The following DHX57 variants were observed in gnomAD, a reference collection of about 807,000 sequenced individuals.
The protein encoded by DHX57 is DExH-box helicase 57.
Under a neutral mutation model 156.2 loss-of-function variants are expected in DHX57, and 105 were observed. The observed-to-expected ratio is 0.67, with a 90% CI of 0.57 to 0.79. The LOEUF (loss-of-function observed/expected upper bound fraction) is 0.79, where lower values mean the gene tolerates loss of function less well. DHX57 is among the 30% of genes least tolerant of loss of function. The pLI is 0.00. For missense variants in DHX57, 1,847 were observed against 1,661.9 expected (o/e 1.11, Z -1.94); for synonymous variants, 704 against 595.6 (o/e 1.18, Z -2.65).
intron 11 of DHX57, among the ~76,000 whole-genome samples, chr2:38,845,860 G>A (rs1389476750): frequency 6.8e-6 from 1 of 147,144 alleles, no homozygotes; most frequent in Admixed American, 7.0e-5. Context: ...GATAATAATA[G>A]CTAACTTTTT....
chr2:38,857,098 G>C (rs1672940770), intron 6 of DHX57: 1 of 154,128 alleles, frequency 6.5e-6, no homozygotes, highest in Non-Finnish European at 1.5e-5. Flanking sequence ...TTCTATACCT[G>C]TGCTGTCCAA....
chr2:38,801,659 A>G (rs1669689321), intron 23 of DHX57, among the ~76,000 whole-genome samples: 1 of 151,912 alleles, frequency 6.6e-6, no homozygotes, highest in Admixed American at 6.6e-5. Context: ...CAATGGCGCA[A>G]TCTCGGCTCA....
intron 21 of DHX57, among the ~76,000 whole-genome samples, chr2:38,809,735 T>C (rs899787791): frequency 1.3e-5 from 2 of 152,114 alleles, no homozygotes; most frequent in African/African-American, 2.4e-5. Flanking sequence ...AGTGCTGGGA[T>C]TGCAGGCGTG....
At chr2:38,810,373 A>G in intron 21 of DHX57, 1 of 480,982 alleles carries the variant, frequency 2.1e-6, no homozygotes, top group South Asian at 1.6e-5. Flanking sequence ...CACAACAATT[A>G]GTGCCTGTAC....
chr2:38,848,762 T>C (rs1441500133), intron 9 of DHX57, among the ~76,000 whole-genome samples: 1 of 152,208 alleles, frequency 6.6e-6, no homozygotes, highest in African/African-American at 2.4e-5. Context: ...GTATATAATA[T>C]TTTGAATAAT....
chr2:38,816,326 T>A, intron 19 of DHX57: 1 of 436,246 alleles, frequency 2.3e-6, no homozygotes, highest in Non-Finnish European at 4.6e-6. Context: ...GTGATTCTCT[T>A]GCCTTAACCT....
chr2:38,836,959 C>G (rs1286801844), intron 13 of DHX57, among the ~76,000 whole-genome samples: 1 of 151,960 alleles, frequency 6.6e-6, no homozygotes, highest in African/African-American at 2.4e-5. Flanking sequence ...CTAAGGCAAT[C>G]CTCCCACTCC....
rs780160773 is a variant in DHX57, at chr2:38,845,403, G to GT, written c.2219+1615dup. Among the ~76,000 whole-genome samples the GT allele has an allele frequency of 2.9e-4, 44 of 152,166 alleles. No individual in the cohort carries two copies. In the East Asian group the frequency reaches 2.9e-3, roughly 10 times the overall value. ...GCACATTAAAATTTGAGAGCCACTG[G>GT]TTTTGGGTTTTTACCTTGAGAATAT... On this transcript the variant is annotated intron_variant, in intron 11 of 23. Coordinates refer to ENST00000457308, the MANE Select transcript of DHX57 (RefSeq NM_198963.3).
rs1270867896 is a variant in DHX57 at position 38,834,526 on chromosome 2, C to G, written c.2542+3305G>C. Among the ~76,000 whole-genome samples the G allele has an allele frequency of 5.3e-5, 8 of 152,110 alleles. No individual in the cohort carries two copies. The East Asian group carries it at 1.5e-3, about 29-fold the overall frequency. The stretch of plus-strand genomic sequence containing the variant: ...TGACACTAATCATCTCCAAGTAAGT[C>G]ATTTGTTTTGTCAGAATATTGTATA... On this transcript the variant is annotated intron_variant, in intron 13 of 23. Coordinates refer to ENST00000457308, the MANE Select transcript of DHX57 (RefSeq NM_198963.3).
intron 17 of DHX57, 102 bp from the exon 18 acceptor site, chr2:38,819,246 C>T (rs1183011690): frequency 1.0e-6 from 1 of 990,280 alleles, no homozygotes; most frequent in African/African-American, 1.6e-5. Context: ...GCGATCATAG[C>T]CCACTGCAAC....
intron 17 of DHX57, 147 bp downstream of exon 17, chr2:38,822,846 C>T: frequency 2.6e-6 from 2 of 768,998 alleles, no homozygotes; most frequent in South Asian, 2.2e-5. Context: ...GACCTTCTCC[C>T]TCCCATGCAG....
At chr2:38,825,754 A>G (rs930457208) in intron 16 of DHX57, 93 bp downstream of exon 16, 5 of 1,322,946 alleles carry the variant, frequency 3.8e-6, no homozygotes, top group Admixed American at 1.9e-5. Context: ...TCTTAGCCAA[A>G]TATCTTCTAG....
At chr2:38,821,148 G>C (rs1670793716) in intron 17 of DHX57, among the ~76,000 whole-genome samples, 1 of 151,968 alleles carries the variant, frequency 6.6e-6, no homozygotes. Flanking sequence ...AGAATAAAAA[G>C]GAAAATCAGA....
At position 38,843,019 on chromosome 2, in the gene DHX57, A is replaced by T. The variant is rs758954483; in HGVS notation, c.2411T>A (p.Leu804Gln). Residue 804 changes from leucine to glutamine, a missense_variant, in exon 12 of 24, where the codon CTG (leucine) becomes CAG (glutamine). Leu to Gln is a moderately radical substitution (Grantham distance 113, BLOSUM62 -2). Transcript: ENST00000457308. ...AGGCATGTTACCTTTATAGCGGGCC[A>T]GGAGCTGCTTAAAATCTAACTGTTG... is the stretch of plus-strand genomic sequence containing the variant. ...PDQQLDFKQL[L>Q]ARYKGVSKSV... 6.2e-7 allele frequency: 1 copy of T among 1,614,112 alleles called. No individual in the cohort carries two copies. Among genetic ancestry groups the T allele is most frequent in the East Asian group, 2.2e-5 (1 of 44,886 alleles).
chr2:38,837,687 T>C (rs1671754397), intron 13 of DHX57, 144 bp downstream of exon 13: 1 of 478,502 alleles, frequency 2.1e-6, no homozygotes, highest in Non-Finnish European at 3.8e-6. Context: ...TTTATCAGAC[T>C]GCAAAGCCTG....
rs1553326974 is a variant in DHX57 at position 38,827,505 on chromosome 2, A to AAAAT, written c.2640-817_2640-816insATTT. ...TGTCTCAAAAAAAAAAAAAAAAAAA[A>AAAAT]ATATATATATATATATATATATATA... On this transcript the variant is annotated intron_variant, in intron 14 of 23. Coordinates refer to ENST00000457308, the MANE Select transcript of DHX57 (RefSeq NM_198963.3). Among the ~76,000 whole-genome samples, 28 of 10,152 alleles carry AAAAT rather than the reference A, an allele frequency of 2.8e-3. 1 individual carries two copies. The highest frequency in any genetic ancestry group is 3.9e-3 in the African/African-American group (28 of 7,100). The allele number at this position is 10,152 out of a possible 152,430, so 6.7% of individuals were successfully genotyped here. A position where few individuals can be genotyped will look rare whatever the true frequency, so the allele number is the denominator to read the frequency against.
intron 17 of DHX57, among the ~76,000 whole-genome samples, chr2:38,822,425 C>T (rs1670870772): frequency 6.6e-6 from 1 of 151,142 alleles, no homozygotes; most frequent in East Asian, 2.0e-4. Flanking sequence ...TAGACGGAGC[C>T]TTGCTCTGTC....
At chr2:38,799,770 AG>A (rs1335278420) in intron 23 of DHX57, among the ~76,000 whole-genome samples, 10 of 119,968 alleles carry the variant, frequency 8.3e-5, no homozygotes, top group Admixed American at 3.4e-4. Context: ...AAAAAAAAAA[AG>A]TGGGCCAGGC....
Position 38,848,286 on chromosome 2 carries a change from G to C in DHX57, c.2147C>G (p.Pro716Arg), listed in dbSNP as rs1216240355. The change falls in exon 10 of 24, where the codon CCC becomes CGC. Residue 716 changes from proline to arginine, a missense_variant. Coordinates refer to ENST00000457308, the MANE Select transcript of DHX57 (RefSeq NM_198963.3). ...TTATTCACCTGGTATAGTAATAACG[G>C]GGCAGGAATTAAAATAGTCTGAAAA... The part of the protein sequence containing the change: ...ELFSDYFNSC[P>R]VITIPGRTFP... 1 of 1,602,098 alleles carries C rather than the reference G, an allele frequency of 6.2e-7. No homozygotes were observed. Among genetic ancestry groups the C allele is most frequent in the Non-Finnish European group, 8.5e-7 (1 of 1,175,680 alleles).
Sources: allele counts gnomAD v4.1 joint callset (sites outside exome capture counted in the v4.1 genomes callset), GRCh38; gene constraint gnomAD v4.1.1; transcripts MANE v1.5; gene names NCBI Gene and HGNC (gene_info 2026-07-23, HGNC 2026-07-21).